The following GUCY1A1 variants were observed in gnomAD, a reference collection of about 807,000 sequenced individuals.
GUCY1A1 encodes guanylate cyclase 1 soluble subunit alpha 1.
In GUCY1A1, 48 loss-of-function variants were observed where a neutral mutation model predicts 64.5. That is an observed-to-expected ratio of 0.74 (90% CI 0.59 to 0.95). The LOEUF (loss-of-function observed/expected upper bound fraction) is 0.95, where lower values mean the gene tolerates loss of function less well. Among genes scored for constraint, GUCY1A1 ranks in the 40% least tolerant of loss-of-function variants. GUCY1A1 has a pLI of 0.00. For synonymous variants in GUCY1A1, 308 were observed against 303.4 expected, an observed-to-expected ratio of 1.02 and a Z score of -0.16; for missense variants, 804 against 825.3, an observed-to-expected ratio of 0.97 and a Z score of 0.32.
rs770569810 is a variant in GUCY1A1, at chr4:155,734,204, C to T, written c.*3973C>T. ...GAAAGAGATGAATAAACAAGAGTGT[C>T]TAGTCTAACTAGTGCCTGAGGAATA... On this transcript the variant is annotated 3_prime_UTR_variant, in exon 10 of 10. Transcript: ENST00000506455. Among the ~76,000 whole-genome samples, 12 of 151,902 alleles carry T rather than the reference C, an allele frequency of 7.9e-5. No homozygotes were observed. Among genetic ancestry groups the T allele is most frequent in the Non-Finnish European group, 1.6e-4 (11 of 67,924 alleles).
intron 2 of GUCY1A1, among the ~76,000 whole-genome samples, chr4:155,676,229 G>T (rs1211657113): frequency 6.6e-6 from 1 of 150,502 alleles, no homozygotes; most frequent in Non-Finnish European, 1.5e-5. Flanking sequence ...AGGGTGTATT[G>T]GGCAACAATA....
At chr4:155,682,290 A>G (rs1315096563) in intron 2 of GUCY1A1, among the ~76,000 whole-genome samples, 1 of 152,062 alleles carries the variant, frequency 6.6e-6, no homozygotes, top group Non-Finnish European at 1.5e-5. Flanking sequence ...CCTAAATCTG[A>G]TATTTCTTAT....
At position 155,733,803 on chromosome 4, in the gene GUCY1A1, T is replaced by C. The variant is rs1240285513; in HGVS notation, c.*3572T>C. Among the ~76,000 whole-genome samples, 2 of 151,690 alleles carry C rather than the reference T, an allele frequency of 1.3e-5. No individual in the cohort carries two copies. Among genetic ancestry groups the C allele is most frequent in the African/African-American group, 2.4e-5 (1 of 41,344 alleles). On this transcript the variant is annotated 3_prime_UTR_variant, in exon 10 of 10. Transcript: ENST00000506455. ...GAATGGTATGATCAGATGTGTGTTTTCCAAAGACTATTAGAAACAGCATGG... is the reference window on the plus strand; with the variant it reads ...GAATGGTATGATCAGATGTGTGTTTCCCAAAGACTATTAGAAACAGCATGG...
rs150666696 is a variant in GUCY1A1, at chr4:155,711,582, T to C, written c.1086+331T>C. Among the ~76,000 whole-genome samples, 956 of 152,326 alleles carry C rather than the reference T, an allele frequency of 6.3e-3. 11 individuals are homozygous for C. Among genetic ancestry groups the C allele is most frequent in the African/African-American group, 0.02 (849 of 41,578 alleles). ...ACTTAGGTTGAATAATAAGAGGTAT[T>C]GTTTTACAACAAACAAAAGTCACTT... On this transcript the variant is annotated intron_variant, in intron 6 of 9. Coordinates refer to ENST00000506455, the MANE Select transcript of GUCY1A1 (RefSeq NM_001130682.3).
intron 7 of GUCY1A1, among the ~76,000 whole-genome samples, chr4:155,715,701 G>C (rs779704827): frequency 1.3e-5 from 2 of 152,202 alleles, no homozygotes; most frequent in African/African-American, 2.4e-5. Context: ...TGGCCATCAT[G>C]ATGAGCACTT....
intron 2 of GUCY1A1, among the ~76,000 whole-genome samples, chr4:155,673,414 T>G (rs956779514): frequency 1.3e-5 from 2 of 151,594 alleles, no homozygotes; most frequent in Admixed American, 1.3e-4. Context: ...ATAGTTTTAA[T>G]AAGTTTTAAA....
chr4:155,722,558 C>T (rs1734109731), intron 9 of GUCY1A1: 1 of 478,836 alleles, frequency 2.1e-6, no homozygotes, highest in Admixed American at 5.9e-5. Context: ...ACAGTCATAA[C>T]CACAAGTTAC....
At chr4:155,678,671 G>A (rs570183098) in intron 2 of GUCY1A1, among the ~76,000 whole-genome samples, 7 of 152,280 alleles carry the variant, frequency 4.6e-5, no homozygotes, top group African/African-American at 1.4e-4. Context: ...AATTACTATG[G>A]TAACCTTTCT....
chr4:155,690,823 A>G (rs527663549), intron 2 of GUCY1A1, among the ~76,000 whole-genome samples: 23 of 152,304 alleles, frequency 1.5e-4, no homozygotes, highest in African/African-American at 5.3e-4. Context: ...CCTGGATTGT[A>G]AGTTCTTGAG....
At chr4:155,725,721 A>G (rs1218425661) in intron 9 of GUCY1A1, among the ~76,000 whole-genome samples, 1 of 152,036 alleles carries the variant, frequency 6.6e-6, no homozygotes, top group African/African-American at 2.4e-5. Context: ...TTTCTTCAAA[A>G]TATAATTCAG....
Position 155,736,382 on chromosome 4 carries a change from A to T in GUCY1A1, c.*6151A>T, listed in dbSNP as rs1736057889. The T allele has an allele frequency of 6.6e-6, 1 of 151,942 alleles. No individual in the cohort carries two copies. Among genetic ancestry groups the T allele is most frequent in the Admixed American group, 6.6e-5 (1 of 15,224 alleles). 9.4% of individuals were successfully genotyped at this position (151,942 alleles called of 1,614,324 possible). ...GACATAGACTATCACCCCTCCAAAA[A>T]TGTGCATATGGCCCCATACAAGACA... On this transcript the variant is annotated 3_prime_UTR_variant, in exon 10 of 10. Coordinates refer to ENST00000506455, the MANE Select transcript of GUCY1A1 (RefSeq NM_001130682.3).
At chr4:155,686,248 G>A (rs1325995148) in intron 2 of GUCY1A1, among the ~76,000 whole-genome samples, 1 of 152,176 alleles carries the variant, frequency 6.6e-6, no homozygotes. Context: ...GGCCAAGGTG[G>A]GTGGATTGCC....
intron 2 of GUCY1A1, among the ~76,000 whole-genome samples, chr4:155,675,236 A>T (rs1734740631): frequency 6.6e-6 from 1 of 151,632 alleles, no homozygotes. Context: ...TACATTATTA[A>T]GTTAATAAAA....
intron 2 of GUCY1A1, among the ~76,000 whole-genome samples, chr4:155,690,905 C>A (rs1318503567): frequency 1.3e-5 from 2 of 152,074 alleles, no homozygotes; most frequent in Non-Finnish European, 1.5e-5. Context: ...GCAAGACCTT[C>A]GTAAATATTT....
rs1232492166 is a variant in GUCY1A1, at chr4:155,730,014, A to G, written c.1872-16A>G. The G allele has an allele frequency of 2.0e-6, 3 of 1,488,560 alleles. No homozygotes were observed. Among genetic ancestry groups the G allele is most frequent in the East Asian group, 4.5e-5 (2 of 44,014 alleles). 92.2% of individuals were successfully genotyped at this position (1,488,560 alleles called of 1,614,324 possible). A position where few individuals can be genotyped will look rare whatever the true frequency, so the allele number is the denominator to read the frequency against. Reference sequence around the variant, plus strand: ...GGACAAACATTTATGTCAGTATTATATTTTAATATTTTCAGATTACTCAAA... The same window carrying G: ...GGACAAACATTTATGTCAGTATTATGTTTTAATATTTTCAGATTACTCAAA... On this transcript the variant is annotated splice_polypyrimidine_tract_variant and intron_variant, in intron 9 of 9. Coordinates refer to ENST00000506455, the MANE Select transcript of GUCY1A1 (RefSeq NM_001130682.3).
intron 7 of GUCY1A1, among the ~76,000 whole-genome samples, chr4:155,715,392 T>C (rs1474683092): frequency 2.0e-5 from 3 of 152,192 alleles, no homozygotes; most frequent in Non-Finnish European, 4.4e-5. Context: ...TTGGCCATTT[T>C]TCTGTTTCTC....
rs1173685354 is a variant in GUCY1A1, at chr4:155,703,980, A to ATAAAAGAAAGCAGG, written c.308_317+4dup. 6.2e-7 allele frequency: 1 copy of ATAAAAGAAAGCAGG among 1,605,526 alleles called. No homozygotes were observed. The highest frequency in any genetic ancestry group is 8.5e-7 in the Non-Finnish European group (1 of 1,174,922). On this transcript the variant is annotated frameshift_variant, in exon 4 of 10. Transcript: ENST00000506455. LOFTEE classifies it high-confidence loss of function. ...TCAGAGAACATTGGCAAAGCACAAA[A>ATAAAAGAAAGCAGG]TAAAAGAAAGCAGGTAAGTCAAACC...
rs185247246 is a variant in GUCY1A1 at position 155,703,859 on chromosome 4, C to A, written c.256-73C>A. On this transcript the variant is annotated intron_variant, in intron 3 of 9. Transcript: ENST00000506455. ...TTCTCGAAAATAAATCTTCAGGATG[C>A]ATTTTTAAATATATAATTCCAAACA... The A allele has an allele frequency of 8.0e-4, 675 of 846,660 alleles. 5 individuals are homozygous for A. The African/African-American group carries it at 0.01, about 13-fold the overall frequency. 52.4% of individuals were successfully genotyped at this position (846,660 alleles called of 1,614,324 possible).
At chr4:155,711,442 A>G in intron 6 of GUCY1A1, 191 bp downstream of exon 6, 2 of 433,182 alleles carry the variant, frequency 4.6e-6, no homozygotes, top group Non-Finnish European at 8.2e-6. Flanking sequence ...TACTTGATTC[A>G]TTACTCCAAA....
Sources: allele counts gnomAD v4.1 joint callset (sites outside exome capture counted in the v4.1 genomes callset), GRCh38; gene constraint gnomAD v4.1.1; transcripts MANE v1.5; gene names NCBI Gene and HGNC (gene_info 2026-07-23, HGNC 2026-07-21).